Variants in TTLL5 observed in about 807,000 individuals in gnomAD.
TTLL5 encodes tubulin tyrosine ligase like 5, also known as tubulin polyglutamylase TTLL5.
Under a neutral mutation model 168.4 loss-of-function variants are expected in TTLL5, and 132 were observed. The observed-to-expected ratio is 0.78, with a 90% confidence interval of 0.68 to 0.91. The LOEUF (loss-of-function observed/expected upper bound fraction) is 0.91, where lower values mean the gene tolerates loss of function less well. Ranked by LOEUF, TTLL5 falls within the 40% of genes least tolerant of loss-of-function variation. TTLL5 has a pLI of 0.00. For missense variants in TTLL5, 1,545 were observed against 1,581.5 expected, an observed-to-expected ratio of 0.98 and a Z score of 0.39; for synonymous variants, 546 against 558.6, an observed-to-expected ratio of 0.98 and a Z score of 0.32.
chr14:75,894,585 A>G (rs1247955428), intron 30 of TTLL5, among the ~76,000 whole-genome samples: 1 of 152,138 alleles, frequency 6.6e-6, no homozygotes, highest in Non-Finnish European at 1.5e-5. Context: ...GATGATAAAT[A>G]GAAAACAAAA....
At chr14:75,661,712 C>T (rs1345574593) in intron 1 of TTLL5, 1 of 152,264 alleles carries the variant, frequency 6.6e-6, no homozygotes, top group Non-Finnish European at 1.5e-5. Context: ...GGTTGGCATC[C>T]CTTCCCGTTT....
intron 3 of TTLL5, among the ~76,000 whole-genome samples, chr14:75,676,478 C>T (rs940331098): frequency 1.3e-5 from 2 of 152,162 alleles, no homozygotes; most frequent in African/African-American, 2.4e-5. Flanking sequence ...TACTACCCAC[C>T]AGCCTTATTG....
chr14:75,903,246 C>T (rs1486558622), intron 31 of TTLL5, among the ~76,000 whole-genome samples: 3 of 152,036 alleles, frequency 2.0e-5, no homozygotes, highest in Non-Finnish European at 2.9e-5. Context: ...GGACTGGGAA[C>T]GGCTTCCTAG....
At chr14:75,664,320 A>G (rs1203723081) in intron 2 of TTLL5, among the ~76,000 whole-genome samples, 1 of 152,128 alleles carries the variant, frequency 6.6e-6, no homozygotes, top group Non-Finnish European at 1.5e-5. Context: ...TCCTTTAATT[A>G]TTGCTTGACA....
chr14:75,914,031 A>AT lies in TTLL5; in HGVS notation c.3823+11807_3823+11808insT, dbSNP rs1375194323. Reference sequence around the variant, plus strand: ...CTGTTTAAAAGGAAAAAAAAAAAAAAAAATATATATATATATATATATATT... The same window carrying AT: ...CTGTTTAAAAGGAAAAAAAAAAAAAATAAATATATATATATATATATATATT... On this transcript the variant is annotated intron_variant, in intron 31 of 31. Coordinates refer to ENST00000298832, the MANE Select transcript of TTLL5 (RefSeq NM_015072.5). 3.0e-3 allele frequency among the ~76,000 whole-genome samples: 234 copies of AT among 77,270 alleles called. 7 individuals are homozygous for AT. Among genetic ancestry groups the AT allele is most frequent in the East Asian group, 0.02 (55 of 2,764 alleles). The allele number at this position is 77,270 out of a possible 152,430, so 50.7% of individuals were successfully genotyped here. A position where few individuals can be genotyped will look rare whatever the true frequency, so the allele number is the denominator to read the frequency against.
At chr14:75,693,037 G>C (rs1296317856) in intron 6 of TTLL5, among the ~76,000 whole-genome samples, 1 of 152,172 alleles carries the variant, frequency 6.6e-6, no homozygotes, top group Non-Finnish European at 1.5e-5. Context: ...AGGGAATGAG[G>C]TCTCAGAGGA....
chr14:75,667,847 G>A (rs1391689110), intron 2 of TTLL5, among the ~76,000 whole-genome samples: 4 of 136,502 alleles, frequency 2.9e-5, no homozygotes, highest in Non-Finnish European at 6.1e-5. Context: ...TGCAACCTCC[G>A]CCTCCCAGGT....
intron 28 of TTLL5, chr14:75,838,735 T>A (rs1310341460): frequency 6.5e-6 from 1 of 152,768 alleles, no homozygotes; most frequent in Non-Finnish European, 1.5e-5. Flanking sequence ...GGGGCGAGGG[T>A]GAGGCACATC....
At chr14:75,890,487 C>T (rs1008797758) in intron 30 of TTLL5, among the ~76,000 whole-genome samples, 9 of 151,914 alleles carry the variant, frequency 5.9e-5, no homozygotes, top group African/African-American at 1.7e-4. Flanking sequence ...TAGGAGAACA[C>T]GGCACACTAT....
intron 26 of TTLL5, among the ~76,000 whole-genome samples, chr14:75,792,408 A>T (rs1375449613): frequency 6.7e-6 from 1 of 150,058 alleles, no homozygotes; most frequent in Non-Finnish European, 1.5e-5. Context: ...GACTAAAAAT[A>T]TAAAAAAAAA....
At chr14:75,897,416 A>T (rs1043697365) in intron 30 of TTLL5, among the ~76,000 whole-genome samples, 5 of 152,104 alleles carry the variant, frequency 3.3e-5, no homozygotes, top group African/African-American at 1.2e-4. Flanking sequence ...TAAGTGGCTA[A>T]ATTAATCAGG....
At chr14:75,938,270 A>T (rs549077337) in intron 31 of TTLL5, among the ~76,000 whole-genome samples, 1 of 152,240 alleles carries the variant, frequency 6.6e-6, no homozygotes, top group Non-Finnish European at 1.5e-5. Context: ...AGAATTGAGC[A>T]ATCATCTGTA....
intron 30 of TTLL5, among the ~76,000 whole-genome samples, chr14:75,884,445 C>T (rs1240400166): frequency 6.6e-6 from 1 of 152,200 alleles, no homozygotes; most frequent in Non-Finnish European, 1.5e-5. Flanking sequence ...ACTCTGCAGC[C>T]TCCTGAGATG....
At chr14:75,911,901 T>C (rs2033401421) in intron 31 of TTLL5, among the ~76,000 whole-genome samples, 1 of 152,226 alleles carries the variant, frequency 6.6e-6, no homozygotes, top group Non-Finnish European at 1.5e-5. Context: ...CACAAGAGCC[T>C]TCTGATGATC....
chr14:75,732,489 A>G (rs1216301759), intron 13 of TTLL5, 70 bp downstream of exon 13: 1 of 1,261,258 alleles, frequency 7.9e-7, no homozygotes, highest in South Asian at 1.3e-5. Flanking sequence ...TTTTTTTTTG[A>G]TCATTTCTCT....
At chr14:75,854,876 G>A (rs1364288005) in intron 28 of TTLL5, among the ~76,000 whole-genome samples, 3 of 151,974 alleles carry the variant, frequency 2.0e-5, no homozygotes, top group Admixed American at 1.3e-4. Flanking sequence ...TACCAATAGG[G>A]CATTTTTATA....
chr14:75,797,686 C>A (rs1227021244), intron 27 of TTLL5, among the ~76,000 whole-genome samples: 1 of 151,922 alleles, frequency 6.6e-6, no homozygotes, highest in African/African-American at 2.4e-5. Flanking sequence ...TGATTTTTGT[C>A]TTTGATTCTG....
At chr14:75,846,657 G>A (rs1896559018) in intron 28 of TTLL5, among the ~76,000 whole-genome samples, 1 of 152,088 alleles carries the variant, frequency 6.6e-6, no homozygotes, top group Admixed American at 6.5e-5. Flanking sequence ...AGGCATGGTG[G>A]CGCGTGCCCG....
rs1325156608 is a variant in TTLL5, at chr14:75,863,926, A to AAAAAAAAAAG, written c.3522+72_3522+73insAGAAAAAAAA. On this transcript the variant is annotated intron_variant, in intron 29 of 31. Transcript: ENST00000298832. ...CTGCTGTTGGTAAAAAAAAAAAAAA[A>AAAAAAAAAAG]AAAAAAAAGGTCAGTGAATGAGAAA... 613 of 1,257,726 alleles carry AAAAAAAAAAG rather than the reference A, an allele frequency of 4.9e-4. 19 individuals are homozygous for AAAAAAAAAAG. Among genetic ancestry groups the AAAAAAAAAAG allele is most frequent in the Admixed American group, 1.1e-3 (35 of 30,792 alleles). 77.9% of individuals were successfully genotyped at this position (1,257,726 alleles called of 1,614,324 possible).
Sources: gnomAD v4.1 joint callset for allele counts (sites outside exome capture counted in the v4.1 genomes callset) on GRCh38, gnomAD v4.1.1 for gene constraint, MANE v1.5 for transcripts, NCBI Gene and HGNC (gene_info 2026-07-23, HGNC 2026-07-21) for gene names.